Variants in PCID2 observed in about 807,000 individuals in gnomAD.
PCID2 encodes the protein PCI domain containing 2, also known as PCI domain-containing protein 2.
Under a neutral mutation model 61.3 loss-of-function variants are expected in PCID2, and 41 were observed. The observed-to-expected ratio is 0.67, with a 90% CI of 0.52 to 0.87. PCID2 has a LOEUF of 0.87. PCID2 is among the 40% of genes least tolerant of loss of function. The probability of loss-of-function intolerance (pLI) is 0.00; values close to 1 mark genes in which losing one functional copy is unlikely to be tolerated. For missense variants in PCID2, 392 were observed against 493.4 expected (o/e 0.79, Z 1.95); for synonymous variants, 187 against 177.8 (o/e 1.05, Z -0.41).
At position 113,179,774 on chromosome 13, in the gene PCID2, C is replaced by T. The variant is rs1566940288; in HGVS notation, c.986+143G>A. ...GTCCCCAGGAGGCAGTGGGCGGAGGCTTCATTTTATCCCACACAATGGAAG... is the reference window on the plus strand; with the variant it reads ...GTCCCCAGGAGGCAGTGGGCGGAGGTTTCATTTTATCCCACACAATGGAAG... On this transcript the variant is annotated intron_variant, in intron 12 of 13. Coordinates refer to ENST00000337344, the MANE Select transcript of PCID2 (RefSeq NM_001127202.4). This position sits in a 1 kb window ranked among gnomAD's most constrained non-coding sequence, Gnocchi z 4.3. The T allele has an allele frequency of 2.5e-6, 2 of 814,802 alleles. No homozygotes were observed. The highest frequency in any genetic ancestry group is 3.8e-6 in the Non-Finnish European group (2 of 524,570). The allele number at this position is 814,802 out of a possible 1,614,324, so 50.5% of individuals were successfully genotyped here.
intron 1 of PCID2, 179 bp downstream of exon 1, chr13:113,208,420 C>A: frequency 6.7e-7 from 1 of 1,487,276 alleles, no homozygotes; most frequent in Non-Finnish European, 8.9e-7. Context: ...AGAACTCGGG[C>A]CGCCTTCCCG....
downstream of PCID2, among the ~76,000 whole-genome samples, chr13:113,176,356 T>C (rs947865620): frequency 2.4e-5 from 1 of 42,078 alleles, no homozygotes; most frequent in Non-Finnish European, 6.2e-5. Context: ...ATTTCTTACA[T>C]TGAAGTCCTA....
At position 113,185,574 on chromosome 13, in the gene PCID2, A is replaced by AT. The variant is rs768926484; in HGVS notation, c.468-15dup. On this transcript the variant is annotated splice_polypyrimidine_tract_variant and intron_variant, in intron 7 of 13. Transcript: ENST00000337344. ...ATACCAGCACGGCTATGGGGAAATA[A>AT]TTTTTTTTAAGTTACATAGGAAATA... 1.5e-5 allele frequency: 24 copies of AT among 1,568,006 alleles called. No homozygotes were observed. The highest frequency in any genetic ancestry group is 2.0e-5 in the Non-Finnish European group (23 of 1,143,996).
At position 113,181,136 on chromosome 13, in the gene PCID2, C is replaced by T; in HGVS notation, c.780G>A (p.Met260Ile). ...TGGAGTAATAATCACTCACCAATAG[C>T]ATTTTTACTGGAAGCAAATAGATCA... The part of the protein sequence containing the change: ...MILIYLLPVK[M>I]LLGHMPTVEL... Residue 260 changes from methionine (M) to isoleucine (I), a missense_variant, in exon 10 of 14, where the codon ATG becomes ATA. By Grantham distance (10) the Met-to-Ile change is conservative. Transcript: ENST00000337344. 6.3e-7 allele frequency: 1 copy of T among 1,594,956 alleles called. No individual in the cohort carries two copies. The highest frequency in any genetic ancestry group is 8.6e-7 in the Non-Finnish European group (1 of 1,162,474).
Position 113,181,060 on chromosome 13 carries a change from A to T in PCID2, c.786+70T>A, listed in dbSNP as rs2037591415. The stretch of plus-strand genomic sequence containing the variant: ...AACTACAGACTGTCTGCTAGGTTTT[A>T]AAAAAACCTATCAGCTGTCAACTTT... On this transcript the variant is annotated intron_variant, in intron 10 of 13. Coordinates refer to ENST00000337344, the MANE Select transcript of PCID2 (RefSeq NM_001127202.4). 1.3e-5 allele frequency: 13 copies of T among 1,029,160 alleles called. No individual in the cohort carries two copies. The Admixed American group carries it at 2.2e-4, about 18-fold the overall frequency. The allele number at this position is 1,029,160 out of a possible 1,614,324, so 63.8% of individuals were successfully genotyped here.
the PCID2 span, among the ~76,000 whole-genome samples, chr13:113,165,802 A>G: frequency 1.3e-5 from 2 of 152,210 alleles, no homozygotes; most frequent in Admixed American, 1.3e-4. Context: ...AAGTGCTGGG[A>G]TTACAGGCGT....
downstream of PCID2, among the ~76,000 whole-genome samples, chr13:113,174,964 TA>T (rs1274223557): frequency 6.6e-6 from 1 of 152,192 alleles, no homozygotes; most frequent in Non-Finnish European, 1.5e-5. Flanking sequence ...TCTTGAATTG[TA>T]ATCCCCACGT....
chr13:113,195,333 G>A (rs534977062), intron 5 of PCID2, among the ~76,000 whole-genome samples: 2 of 152,252 alleles, frequency 1.3e-5, no homozygotes, highest in East Asian at 1.9e-4. Context: ...CCCACAATGC[G>A]GTGCTCCACA....
rs752777163 is a variant in PCID2, at chr13:113,198,259, G to T, written c.132C>A (p.Ala44=). 5 of 1,591,448 alleles carry T rather than the reference G, an allele frequency of 3.1e-6. No homozygotes were observed. The South Asian group carries it at 5.7e-5, about 18-fold the overall frequency. ...CTTGTTGACACTTCTCCTCTGGAGA[G>T]GCCATCTGATTTTAAAAAAGAAAAA... ...PHVANPRLQM[A]SPEEKCQQVL... is the part of the protein sequence containing the mutation. The change falls in exon 3 of 14, where the codon GCC becomes GCA. Residue 44 remains alanine, a synonymous_variant. Coordinates refer to ENST00000337344, the MANE Select transcript of PCID2 (RefSeq NM_001127202.4).
chr13:113,208,071 G>A, intron 1 of PCID2: 1 of 1,612,816 alleles, frequency 6.2e-7, no homozygotes, highest in Non-Finnish European at 8.5e-7. Context: ...GCGATATGAA[G>A]TGTGCATTGT....
intron 7 of PCID2, chr13:113,185,979 C>T (rs956306957): frequency 6.2e-6 from 1 of 160,660 alleles, no homozygotes; most frequent in Non-Finnish European, 1.4e-5. Context: ...CAAACCCGGG[C>T]CAATGCACTT....
intron 9 of PCID2, among the ~76,000 whole-genome samples, chr13:113,183,131 C>T (rs1004798286): frequency 1.9e-4 from 29 of 152,220 alleles, no homozygotes; most frequent in South Asian, 1.5e-3. Context: ...CTATGGCCAG[C>T]GCTGGCTTTT....
At chr13:113,186,860 G>T (rs183008107) in intron 7 of PCID2, 95 of 152,182 alleles carry the variant, frequency 6.2e-4, no homozygotes, top group African/African-American at 2.2e-3. Context: ...CAAAGTCAAG[G>T]CACAAAAATA....
chr13:113,204,370 A>G (rs1566987337), intron 1 of PCID2, among the ~76,000 whole-genome samples: 1 of 152,232 alleles, frequency 6.6e-6, no homozygotes, highest in East Asian at 1.9e-4. Context: ...AGCATACTTC[A>G]ATGACTAAAC....
At chr13:113,195,976 C>T (rs1029441868) in intron 5 of PCID2, among the ~76,000 whole-genome samples, 2 of 152,174 alleles carry the variant, frequency 1.3e-5, no homozygotes, top group South Asian at 2.1e-4. Context: ...CATAGACACA[C>T]TGCAAACAAT....
chr13:113,191,027 G>A, intron 6 of PCID2, 52 bp from the exon 7 acceptor site: 1 of 1,363,152 alleles, frequency 7.3e-7, no homozygotes, highest in Non-Finnish European at 1.0e-6. Flanking sequence ...AGATCTTGCT[G>A]TGTCGTCCAG....
chr13:113,197,262 C>T lies in PCID2; in HGVS notation c.201-19G>A. 6 of 1,548,308 alleles carry T rather than the reference C, an allele frequency of 3.9e-6. No individual in the cohort carries two copies. The highest frequency in any genetic ancestry group is 2.2e-5 in the East Asian group (1 of 44,592). On this transcript the variant is annotated intron_variant, in intron 3 of 13. Coordinates refer to ENST00000337344, the MANE Select transcript of PCID2 (RefSeq NM_001127202.4). ...AGTGCACCTGGAGGAGAAACAGAAA[C>T]ATGCTGTCACACAATAAAAACCTAG...
At position 113,188,884 on chromosome 13, in the gene PCID2, TAC is replaced by T. The variant is rs2038355842; in HGVS notation, c.467+1986_467+1987del. Among the ~76,000 whole-genome samples, 3 of 152,294 alleles carry T rather than the reference TAC, an allele frequency of 2.0e-5. No individual in the cohort carries two copies. The Middle Eastern group carries it at 0.01, about 518-fold the overall frequency. On this transcript the variant is annotated intron_variant, in intron 7 of 13. Transcript: ENST00000337344. ...AGGAAAAGTTCCCATCTTTTGAGGC[TAC>T]AGAGTTTATTGGCAACAAACACAAT...
chr13:113,189,853 T>A (rs182882044), intron 7 of PCID2, among the ~76,000 whole-genome samples: 2 of 151,952 alleles, frequency 1.3e-5, no homozygotes, highest in African/African-American at 2.4e-5. Context: ...TGAAACCCCA[T>A]CTCTACTAAA....
Sources: allele counts gnomAD v4.1 joint callset (sites outside exome capture counted in the v4.1 genomes callset), GRCh38; gene constraint gnomAD v4.1.1; non-coding constraint Gnocchi (gnomAD v3.1); transcripts MANE v1.5; gene names NCBI Gene and HGNC (gene_info 2026-07-23, HGNC 2026-07-21).